Variants in ABHD16A observed in about 807,000 individuals in gnomAD.
ABHD16A encodes abhydrolase domain containing 16A, phospholipase, also known as phosphatidylserine lipase ABHD16A.
In ABHD16A, 47 loss-of-function variants were observed where a neutral mutation model predicts 89.8. The observed-to-expected ratio is 0.52, with a 90% confidence interval of 0.41 to 0.67. The LOEUF (loss-of-function observed/expected upper bound fraction) is 0.67, where lower values mean the gene tolerates loss of function less well. Among genes scored for constraint, ABHD16A ranks in the 30% least tolerant of loss-of-function variants. The pLI is 0.00. For synonymous variants in ABHD16A, 251 were observed against 280.4 expected (o/e 0.90, Z 1.05); for missense variants, 580 against 734.6 (o/e 0.79, Z 2.43).
chr6:31,693,301 A>C lies in ABHD16A; in HGVS notation c.503+58T>G. The C allele has an allele frequency of 6.2e-7, 1 of 1,604,096 alleles. No individual in the cohort carries two copies. Among genetic ancestry groups the C allele is most frequent in the Non-Finnish European group, 8.5e-7 (1 of 1,172,334 alleles). On this transcript the variant is annotated intron_variant, in intron 6 of 19. Coordinates refer to ENST00000395952, the MANE Select transcript of ABHD16A (RefSeq NM_021160.3). The surrounding 1 kb of genome is among the most constrained non-coding windows in gnomAD (Gnocchi z 5.0). ...GGGCATGGAGGTGGGAGGGCAGAGC[A>C]GAGATTTTCTGGAATGGTTCTAAGG...
intron 1 of ABHD16A, 78 bp from the exon 2 acceptor site, chr6:31,702,208 G>T: frequency 7.2e-7 from 1 of 1,382,768 alleles, no homozygotes; most frequent in Non-Finnish European, 1.0e-6. Context: ...GCCCTGCTGT[G>T]TGTCCTCTGG....
chr6:31,700,821 A>T, intron 4 of ABHD16A, 121 bp downstream of exon 4: 1 of 772,594 alleles, frequency 1.3e-6, no homozygotes, highest in Non-Finnish European at 2.2e-6. Flanking sequence ...ATCATGCCTT[A>T]AACCATTCTC....
chr6:31,691,113 C>T (rs911841557), intron 9 of ABHD16A, among the ~76,000 whole-genome samples: 15 of 152,230 alleles, frequency 9.9e-5, no homozygotes, highest in African/African-American at 3.6e-4. Flanking sequence ...CCTGGCTTAG[C>T]GCTCTTTCCA....
intron 4 of ABHD16A, among the ~76,000 whole-genome samples, 162 bp downstream of exon 4, chr6:31,700,780 A>G (rs950846296): frequency 8.1e-6 from 1 of 123,244 alleles, no homozygotes; most frequent in Non-Finnish European, 1.7e-5. Flanking sequence ...TTATTTTTTC[A>G]TATTTATAAC....
intron 5 of ABHD16A, among the ~76,000 whole-genome samples, chr6:31,694,491 C>T (rs756565406): frequency 2.0e-5 from 3 of 150,522 alleles, no homozygotes; most frequent in South Asian, 2.1e-4. Flanking sequence ...CCCGGCTTCA[C>T]GCCATTCTCC....
rs1247899649 is a variant in ABHD16A at position 31,690,978 on chromosome 6, C to T, written c.844-376G>A. Among the ~76,000 whole-genome samples, 1 of 152,156 alleles carries T rather than the reference C, an allele frequency of 6.6e-6. No homozygotes were observed. The highest frequency in any genetic ancestry group is 1.5e-5 in the Non-Finnish European group (1 of 68,024). ...GCTCTCCCTATCCCTCTCTGAGCTCCAGTCTTATGGTCAGATAAACTGTAA... is the reference window on the plus strand; with the variant it reads ...GCTCTCCCTATCCCTCTCTGAGCTCTAGTCTTATGGTCAGATAAACTGTAA... On this transcript the variant is annotated intron_variant, in intron 9 of 19. Coordinates refer to ENST00000395952, the MANE Select transcript of ABHD16A (RefSeq NM_021160.3). The surrounding 1 kb of genome is among the most constrained non-coding windows in gnomAD (Gnocchi z 4.1).
chr6:31,691,524 C>T (rs1197686090), intron 9 of ABHD16A, 55 bp downstream of exon 9: 55 of 1,560,044 alleles, frequency 3.5e-5, no homozygotes, highest in Non-Finnish European at 4.8e-5. Context: ...GGTCCCCAGA[C>T]CTCTACTGCC....
At chr6:31,700,518 G>A (rs1230012726) in intron 4 of ABHD16A, among the ~76,000 whole-genome samples, 1 of 152,168 alleles carries the variant, frequency 6.6e-6, no homozygotes, top group Non-Finnish European at 1.5e-5. Flanking sequence ...CTGTATTCTT[G>A]TACATCTATA....
At chr6:31,696,848 C>T in intron 5 of ABHD16A, 100 bp downstream of exon 5, 1 of 1,197,060 alleles carries the variant, frequency 8.4e-7, no homozygotes, top group Non-Finnish European at 1.2e-6. Context: ...TGGTAAAACA[C>T]ACCTCCTCTT....
intron 5 of ABHD16A, 73 bp downstream of exon 5, chr6:31,696,875 T>G: frequency 7.0e-7 from 1 of 1,420,836 alleles, no homozygotes; most frequent in South Asian, 1.1e-5. Context: ...GAAGCCAGTG[T>G]CTGGTGCTCT....
rs748337851 is a variant in ABHD16A at position 31,691,768 on chromosome 6, A to G, written c.741+36T>C. 1,214 of 1,576,112 alleles carry G rather than the reference A, an allele frequency of 7.7e-4. 1 individual carries two copies. The highest frequency in any genetic ancestry group is 9.4e-4 in the Non-Finnish European group (1,094 of 1,158,808). ...GCGGGGTGGGTGGGGGTGAGAGGGG[A>G]GGGCTTTAGGGGATGTGCGGGCAGG... On this transcript the variant is annotated intron_variant, in intron 8 of 19. Transcript: ENST00000395952.
chr6:31,687,846 C>T lies in ABHD16A; in HGVS notation c.1425G>A (p.Glu475=). Residue 475 remains glutamate (E), a synonymous_variant, in exon 17 of 20, where the codon GAG becomes GAA. Transcript: ENST00000395952. This position sits in a 1 kb window ranked among gnomAD's most constrained non-coding sequence, Gnocchi z 6.3. ...CACCTTCCTCCAGCTGTGAGGAGGCCTCCAACCACTGCCTCACCACTCGAA... is the reference window on the plus strand; with the variant it reads ...CACCTTCCTCCAGCTGTGAGGAGGCTTCCAACCACTGCCTCACCACTCGAA... ...EGLRVVRQWL[E]ASSQLEEASI... 6.2e-7 allele frequency: 1 copy of T among 1,612,974 alleles called. No homozygotes were observed. The highest frequency in any genetic ancestry group is 8.5e-7 in the Non-Finnish European group (1 of 1,180,004).
Position 31,687,884 on chromosome 6 carries a change from C to A in ABHD16A, c.1387G>T (p.Ala463Ser). The A allele has an allele frequency of 6.2e-7, 1 of 1,612,918 alleles. No homozygotes were observed. The highest frequency in any genetic ancestry group is 8.5e-7 in the Non-Finnish European group (1 of 1,180,026). Residue 463 changes from alanine (A) to serine (S), a missense_variant, in exon 17 of 20, where the codon GCA becomes TCA. By Grantham distance (99) the Ala-to-Ser change is moderately conservative. Transcript: ENST00000395952. The surrounding 1 kb of genome is among the most constrained non-coding windows in gnomAD (Gnocchi z 6.3). ...LLQHRYPRVM[A>S]EEGLRVVRQW... is the part of the protein sequence containing the mutation. ...CTCACCACTCGAAGACCCTCCTCTG[C>A]CATCACCCGGGGATACCTACGGAGG...
At chr6:31,702,467 T>C (rs1805109450) in intron 1 of ABHD16A, 1 of 872,052 alleles carries the variant, frequency 1.1e-6, no homozygotes, top group South Asian at 2.2e-5. Context: ...AAAAGACACC[T>C]AGACAATCTA....
At chr6:31,699,226 G>A (rs1804667436) in intron 4 of ABHD16A, among the ~76,000 whole-genome samples, 1 of 151,824 alleles carries the variant, frequency 6.6e-6, no homozygotes, top group African/African-American at 2.4e-5. Context: ...CTAACACGGT[G>A]AAACCCCATC....
chr6:31,699,688 T>G (rs1804739225), intron 4 of ABHD16A, among the ~76,000 whole-genome samples: 1 of 152,028 alleles, frequency 6.6e-6, no homozygotes, highest in African/African-American at 2.4e-5. Context: ...TTCTCATGCC[T>G]TAGCCTCCCA....
chr6:31,702,960 A>C, intron 1 of ABHD16A, 190 bp downstream of exon 1: 1 of 1,298,962 alleles, frequency 7.7e-7, no homozygotes, highest in South Asian at 2.5e-5. Flanking sequence ...GTAAAGAGCG[A>C]AAAAGAAAGG....
intron 5 of ABHD16A, among the ~76,000 whole-genome samples, chr6:31,694,737 C>CTAGG (rs1381910159): frequency 2.0e-5 from 3 of 152,080 alleles, no homozygotes; most frequent in Non-Finnish European, 2.9e-5. Flanking sequence ...ACCCCCTGAG[C>CTAGG]TCCTAGCACT....
chr6:31,687,028 GAAGGTT>G lies in ABHD16A; in HGVS notation c.*178_*183del. ...CATGTAATGCAGGATGTATGTTGGA[GAAGGTT>G]AAGTACAGCCACATGAATGAGGGGA... On this transcript the variant is annotated 3_prime_UTR_variant, in exon 20 of 20. Transcript: ENST00000395952. This position sits in a 1 kb window ranked among gnomAD's most constrained non-coding sequence, Gnocchi z 6.3. 1.6e-6 allele frequency: 1 copy of G among 606,588 alleles called. No homozygotes were observed. Among genetic ancestry groups the G allele is most frequent in the Non-Finnish European group, 3.0e-6 (1 of 337,614 alleles). 37.6% of individuals were successfully genotyped at this position (606,588 alleles called of 1,614,324 possible). A position where few individuals can be genotyped will look rare whatever the true frequency, so the allele number is the denominator to read the frequency against.
Sources: gnomAD v4.1 joint callset for allele counts (sites outside exome capture counted in the v4.1 genomes callset) on GRCh38, gnomAD v4.1.1 for gene constraint, Gnocchi (gnomAD v3.1) non-coding constraint, MANE v1.5 for transcripts, NCBI Gene and HGNC (gene_info 2026-07-23, HGNC 2026-07-21) for gene names.